The following SEMA4B variants were observed in gnomAD, a reference collection of about 807,000 sequenced individuals.
SEMA4B encodes the protein semaphorin 4B, also known as semaphorin-4B.
A neutral mutation model predicts 88.1 loss-of-function variants in SEMA4B; 55 were observed. The observed-to-expected ratio is 0.62, with a 90% CI of 0.50 to 0.78. The LOEUF is 0.78. Ranked by LOEUF, SEMA4B falls within the 30% of genes least tolerant of loss-of-function variation. The pLI, the probability that SEMA4B is intolerant of heterozygous loss-of-function variation, is 0.00. For missense variants in SEMA4B, 1,062 were observed against 1,111.9 expected, an observed-to-expected ratio of 0.96 and a Z score of 0.64; for synonymous variants, 525 against 473.6, an observed-to-expected ratio of 1.11 and a Z score of -1.41.
chr15:90,201,671 G>GCTGCTC lies in SEMA4B; in HGVS notation c.99_104dup (p.Leu34_Leu35dup), dbSNP rs759220858. 4 of 1,515,182 alleles carry GCTGCTC rather than the reference G, an allele frequency of 2.6e-6. No homozygotes were observed. In the South Asian group the frequency reaches 4.9e-5, roughly 18 times the overall value. 93.9% of individuals were successfully genotyped at this position (1,515,182 alleles called of 1,614,324 possible). On this transcript the variant is annotated inframe_insertion, in exon 1 of 14. Transcript: ENST00000411539. ...CACCGCTGCTGCTGCTCCTGCTGCT[G>GCTGCTC]CTGCTCCTGCTGCAGCCGCCGCCTC...
chr15:90,185,499 A>G (rs1015076943), intron 1 of SEMA4B, among the ~76,000 whole-genome samples: 1 of 152,246 alleles, frequency 6.6e-6, no homozygotes, highest in South Asian at 2.1e-4. Flanking sequence ...CCAAGGTGCT[A>G]GAAGGAGAAG....
chr15:90,218,454 C>T (rs1304087560), intron 3 of SEMA4B, among the ~76,000 whole-genome samples: 2 of 152,236 alleles, frequency 1.3e-5, no homozygotes, highest in East Asian at 3.8e-4. Flanking sequence ...ATGAAGCATG[C>T]ACTCTGTGTC....
chr15:90,217,777 G>C lies in SEMA4B; in HGVS notation c.332G>C (p.Gly111Ala), dbSNP rs199743834. Residue 111 changes from glycine (G) to alanine (A), a missense_variant, in exon 3 of 14, where the codon GGT (glycine) becomes GCT (alanine). Physicochemically the swap from Gly to Ala is moderately conservative, Grantham distance 60. Transcript: ENST00000411539. ...TTTCTCATTCCCCAGCTGCTTTGGG[G>C]TGCAGACGCAGAGAAGAAACAGCAG... ...PGGEYQELLW[G>A]ADAEKKQQCS... The C allele has an allele frequency of 1.2e-6, 2 of 1,613,538 alleles. No homozygotes were observed. The highest frequency in any genetic ancestry group is 1.7e-6 in the Non-Finnish European group (2 of 1,179,672).
rs748284302 is a variant in SEMA4B at position 90,223,524 on chromosome 15, G to T, written c.862-35G>T. On this transcript the variant is annotated intron_variant, in intron 7 of 13. Transcript: ENST00000411539. ...GTGCATCCCCGTCATGGCTCAGCAT[G>T]TGCCTAAGCCCAGCCCATCCGACTC... 4.9e-5 allele frequency: 75 copies of T among 1,524,352 alleles called. No homozygotes were observed. In the East Asian group the frequency reaches 1.7e-3, roughly 35 times the overall value. The allele number at this position is 1,524,352 out of a possible 1,614,324, so 94.4% of individuals were successfully genotyped here.
rs544561323 is a variant in SEMA4B, at chr15:90,212,294, G to A, written c.158-5145G>A. On this transcript the variant is annotated intron_variant, in intron 1 of 13. Coordinates refer to ENST00000411539, the MANE Select transcript of SEMA4B (RefSeq NM_198925.4). The surrounding 1 kb of genome is among the most constrained non-coding windows in gnomAD (Gnocchi z 4.0). ...GGTCTGCCTTTTTGAAGGATGATCT[G>A]CCTAGTGGGATGCACTGGCCTTGGT... is the stretch of plus-strand genomic sequence containing the variant. Among the ~76,000 whole-genome samples the A allele has an allele frequency of 5.3e-5, 8 of 152,292 alleles. No homozygotes were observed. Among genetic ancestry groups the A allele is most frequent in the African/African-American group, 1.9e-4 (8 of 41,564 alleles).
At chr15:90,197,500 C>T (rs1388477318), upstream of SEMA4B, among the ~76,000 whole-genome samples, 14 of 149,858 alleles carry the variant, frequency 9.3e-5, no homozygotes, top group East Asian at 1.2e-3. Context: ...TGCAGTGGCG[C>T]GATCTCGGCT....
intron 3 of SEMA4B, 91 bp from the exon 4 acceptor site, chr15:90,219,702 C>A: frequency 1.0e-6 from 1 of 953,432 alleles, no homozygotes; most frequent in Non-Finnish European, 1.6e-6. Context: ...GGAGCAGAGG[C>A]CGGGCCTGGG....
upstream of SEMA4B, chr15:90,184,939 C>T (rs1960119082): frequency 1.0e-6 from 1 of 985,930 alleles, no homozygotes; most frequent in Non-Finnish European, 1.2e-6. Flanking sequence ...GACGCCGCGC[C>T]GGACTGAGGC....
Position 90,221,742 on chromosome 15 carries a change from T to TC in SEMA4B, c.841dup (p.Arg281ProfsTer10). On this transcript the variant is annotated frameshift_variant, in exon 7 of 14. Coordinates refer to ENST00000411539, the MANE Select transcript of SEMA4B (RefSeq NM_198925.4). LOFTEE classifies it high-confidence loss of function. ...TGAGTTCTTTGAGAACACCATTGTG[T>TC]CCCGCATTGCCCGCATCTGCAAGGT... is the stretch of plus-strand genomic sequence containing the variant. 6 of 1,613,864 alleles carry TC rather than the reference T, an allele frequency of 3.7e-6. No homozygotes were observed. The highest frequency in any genetic ancestry group is 5.1e-6 in the Non-Finnish European group (6 of 1,179,870).
chr15:90,196,020 C>T (rs570116878), intron 1 of SEMA4B, among the ~76,000 whole-genome samples: 7 of 147,026 alleles, frequency 4.8e-5, no homozygotes, highest in South Asian at 4.4e-4. Context: ...CCTGGGTTCA[C>T]GACATTCTCC....
chr15:90,206,702 C>T (rs1408069368), intron 1 of SEMA4B: 6 of 733,342 alleles, frequency 8.2e-6, no homozygotes, highest in African/African-American at 1.7e-5. Context: ...CTTAGACAAG[C>T]GCCAAGCCCA....
chr15:90,205,192 A>C (rs1371532300), intron 1 of SEMA4B, among the ~76,000 whole-genome samples: 1 of 152,240 alleles, frequency 6.6e-6, no homozygotes, highest in Non-Finnish European at 1.5e-5. Context: ...GCAGTCAACA[A>C]AACGCCATTG....
At chr15:90,200,869 G>A (rs994295441), upstream of SEMA4B, among the ~76,000 whole-genome samples, 4 of 152,214 alleles carry the variant, frequency 2.6e-5, no homozygotes, top group Non-Finnish European at 5.9e-5. Context: ...GCAAAAATTG[G>A]ACTCTCAAGC....
chr15:90,217,949 G>A, intron 3 of SEMA4B, 120 bp downstream of exon 3: 2 of 799,684 alleles, frequency 2.5e-6, no homozygotes, highest in South Asian at 1.6e-5. Context: ...AAGGGCATAA[G>A]CTTCTGAGAT....
rs199930724 is a variant in SEMA4B, at chr15:90,223,865, C to A, written c.1071C>A (p.Ala357=). 2 of 1,613,824 alleles carry A rather than the reference C, an allele frequency of 1.2e-6. No individual in the cohort carries two copies. The highest frequency in any genetic ancestry group is 1.7e-6 in the Non-Finnish European group (2 of 1,179,894). ...ACAGGGGAACTACAGAAGGCTCTGC[C>A]GTCTGTGTCTTCACAATGAAGGATG... ...QWHRGTTEGS[A]VCVFTMKDVQ... is the part of the protein sequence containing the mutation. Residue 357 remains alanine (A), a synonymous_variant, in exon 9 of 14, where the codon GCC becomes GCA. Transcript: ENST00000411539.
chr15:90,199,631 C>T (rs1490103224), upstream of SEMA4B, among the ~76,000 whole-genome samples: 1 of 151,984 alleles, frequency 6.6e-6, no homozygotes, highest in African/African-American at 2.4e-5. Context: ...TCAAGACCAG[C>T]CTGGCCAACA....
intron 1 of SEMA4B, among the ~76,000 whole-genome samples, chr15:90,188,685 T>C (rs1960251414): frequency 6.6e-6 from 1 of 151,822 alleles, no homozygotes. Context: ...TCTTTTTTTG[T>C]TTGTTTTTTG....
chr15:90,224,906 GCCCGCATCCTGCCTGCCA>G lies in SEMA4B; in HGVS notation c.1195-58_1195-41del. 5.0e-6 allele frequency: 7 copies of G among 1,398,114 alleles called. No homozygotes were observed. The South Asian group carries it at 8.1e-5, about 16-fold the overall frequency. 86.6% of individuals were successfully genotyped at this position (1,398,114 alleles called of 1,614,324 possible). A position where few individuals can be genotyped will look rare whatever the true frequency, so the allele number is the denominator to read the frequency against. ...CGCTACTGTCCACTGGGGAAGCAGG[GCCCGCATCCTGCCTGCCA>G]CCCCGAGGTGTGGCTGGCCTCACAC... On this transcript the variant is annotated intron_variant, in intron 9 of 13. Coordinates refer to ENST00000411539, the MANE Select transcript of SEMA4B (RefSeq NM_198925.4).
At chr15:90,194,747 A>G (rs1438704556) in intron 1 of SEMA4B, among the ~76,000 whole-genome samples, 4 of 152,208 alleles carry the variant, frequency 2.6e-5, no homozygotes, top group Non-Finnish European at 4.4e-5. Flanking sequence ...TGGAAAGATT[A>G]GTACAAAAAC....
Sources: allele counts gnomAD v4.1 joint callset (sites outside exome capture counted in the v4.1 genomes callset), GRCh38; gene constraint gnomAD v4.1.1; non-coding constraint Gnocchi (gnomAD v3.1); transcripts MANE v1.5; gene names NCBI Gene and HGNC (gene_info 2026-07-23, HGNC 2026-07-21).